The following SPATA6 variants were observed in gnomAD, a reference collection of about 807,000 sequenced individuals.
The protein encoded by SPATA6 is spermatogenesis-associated protein 6.
In SPATA6, 56 loss-of-function variants were observed where a neutral mutation model predicts 65.3. The ratio of observed to expected loss-of-function variants is 0.86; its 90% confidence interval spans 0.69 to 1.07. The LOEUF (loss-of-function observed/expected upper bound fraction) is 1.07, where lower values mean the gene tolerates loss of function less well. Among genes scored for constraint, SPATA6 ranks in the 50% least tolerant of loss-of-function variants. SPATA6 has a pLI of 0.00. For missense variants in SPATA6, 590 were observed against 594.8 expected (o/e 0.99, Z 0.08); for synonymous variants, 199 against 213.2 (o/e 0.93, Z 0.58).
At chr1:48,342,078 G>T (rs564463214) in intron 11 of SPATA6, among the ~76,000 whole-genome samples, 3 of 152,228 alleles carry the variant, frequency 2.0e-5, no homozygotes, top group Admixed American at 2.0e-4. Context: ...CAAAAGCAGG[G>T]GTTGGCAAAC....
At chr1:48,270,235 T>C in the SPATA6 span, among the ~76,000 whole-genome samples, 1 of 152,142 alleles carries the variant, frequency 6.6e-6, no homozygotes, top group Non-Finnish European at 1.5e-5. Context: ...AATTCTGCAT[T>C]GATGTGCCTT....
chr1:48,457,309 G>A (rs571827412), intron 1 of SPATA6, among the ~76,000 whole-genome samples: 5 of 152,178 alleles, frequency 3.3e-5, no homozygotes, highest in African/African-American at 9.6e-5. Flanking sequence ...GCACATGCCT[G>A]TAATCCCAGC....
intron 11 of SPATA6, among the ~76,000 whole-genome samples, chr1:48,316,668 C>T (rs1233563199): frequency 6.6e-6 from 1 of 152,066 alleles, no homozygotes; most frequent in South Asian, 2.1e-4. Flanking sequence ...CAACAAAAGC[C>T]AAAATTGACA....
At chr1:48,373,323 C>T (rs1386428522) in intron 9 of SPATA6, among the ~76,000 whole-genome samples, 1 of 152,218 alleles carries the variant, frequency 6.6e-6, no homozygotes, top group Non-Finnish European at 1.5e-5. Flanking sequence ...CAAAATGCCG[C>T]CACTCTCTTT....
At chr1:48,451,305 G>A (rs1656549177) in intron 3 of SPATA6, among the ~76,000 whole-genome samples, 1 of 152,010 alleles carries the variant, frequency 6.6e-6, no homozygotes, top group Non-Finnish European at 1.5e-5. Context: ...GCTTAAATAA[G>A]TCTCTGTTTT....
At chr1:48,311,357 T>C (rs1645202363) in intron 11 of SPATA6, among the ~76,000 whole-genome samples, 1 of 152,072 alleles carries the variant, frequency 6.6e-6, no homozygotes, top group Non-Finnish European at 1.5e-5. Flanking sequence ...AAATGGGACA[T>C]TACTAGAGAT....
intron 3 of SPATA6, among the ~76,000 whole-genome samples, chr1:48,439,356 A>G (rs550844565): frequency 6.6e-6 from 1 of 152,248 alleles, no homozygotes; most frequent in South Asian, 2.1e-4. Flanking sequence ...CAACTTTTCC[A>G]ATCAGCAGGG....
chr1:48,366,837 G>A (rs1362621199), intron 9 of SPATA6, among the ~76,000 whole-genome samples: 4 of 152,044 alleles, frequency 2.6e-5, no homozygotes, highest in African/African-American at 7.2e-5. Flanking sequence ...CCTTCTGCTA[G>A]CTTTTGAATG....
intron 11 of SPATA6, among the ~76,000 whole-genome samples, chr1:48,340,110 C>G (rs1056567957): frequency 3.3e-5 from 5 of 151,322 alleles, no homozygotes; most frequent in African/African-American, 1.2e-4. Flanking sequence ...TAGAATAGTG[C>G]CTTTAAAGTG....
intron 1 of SPATA6, among the ~76,000 whole-genome samples, chr1:48,467,894 G>T (rs1422041953): frequency 4.6e-5 from 7 of 152,148 alleles, no homozygotes; most frequent in African/African-American, 1.7e-4. Flanking sequence ...AAAATTGTAA[G>T]TGTTGGAAAG....
intron 11 of SPATA6, among the ~76,000 whole-genome samples, chr1:48,352,787 A>G (rs964951035): frequency 3.3e-5 from 5 of 151,990 alleles, no homozygotes; most frequent in African/African-American, 1.2e-4. Context: ...TATGTCAAAT[A>G]GCAAATCTTA....
chr1:48,448,328 A>C (rs981487985), intron 3 of SPATA6, among the ~76,000 whole-genome samples: 1 of 152,078 alleles, frequency 6.6e-6, no homozygotes, highest in African/African-American at 2.4e-5. Context: ...TACAGGTTGA[A>C]TATCCCTAAT....
intron 11 of SPATA6, among the ~76,000 whole-genome samples, chr1:48,340,851 G>C (rs1440427081): frequency 6.6e-6 from 1 of 152,132 alleles, no homozygotes; most frequent in Non-Finnish European, 1.5e-5. Context: ...TCCAAAGAAA[G>C]TTGGTGTGAC....
chr1:48,290,528 T>C (rs941997661), downstream of SPATA6, among the ~76,000 whole-genome samples: 1 of 152,060 alleles, frequency 6.6e-6, no homozygotes, highest in African/African-American at 2.4e-5. Context: ...GGCTAAATGC[T>C]CCAATTAAAA....
chr1:48,396,199 A>T (rs1055805204), intron 7 of SPATA6, among the ~76,000 whole-genome samples: 2 of 151,854 alleles, frequency 1.3e-5, no homozygotes, highest in African/African-American at 4.8e-5. Context: ...AATCATAGTG[A>T]CGTACCCATT....
intron 11 of SPATA6, among the ~76,000 whole-genome samples, chr1:48,307,364 ATATT>A (rs1240597598): frequency 6.8e-6 from 1 of 147,944 alleles, no homozygotes; most frequent in East Asian, 1.9e-4. Flanking sequence ...ATATAATTAT[ATATT>A]TATGTTTATA....
chr1:48,356,710 G>A (rs956384781), intron 10 of SPATA6, among the ~76,000 whole-genome samples: 2 of 151,780 alleles, frequency 1.3e-5, no homozygotes, highest in Non-Finnish European at 2.9e-5. Flanking sequence ...TCATCATGTT[G>A]GTCAGGCTGG....
intron 3 of SPATA6, among the ~76,000 whole-genome samples, chr1:48,428,805 G>GTC: frequency 8.9e-6 from 1 of 112,714 alleles, no homozygotes; most frequent in Non-Finnish European, 1.9e-5. Context: ...GTGTGTGTGT[G>GTC]TGTGTATATG....
chr1:48,408,836 A>G (rs763747460), intron 5 of SPATA6, among the ~76,000 whole-genome samples: 5 of 152,208 alleles, frequency 3.3e-5, no homozygotes, highest in South Asian at 2.1e-4. Context: ...TCATGAGAAC[A>G]GCGTGAGAAA....
Sources: gnomAD v4.1 joint callset for allele counts (sites outside exome capture counted in the v4.1 genomes callset) on GRCh38, gnomAD v4.1.1 for gene constraint, MANE v1.5 for transcripts, NCBI Gene and HGNC (gene_info 2026-07-23, HGNC 2026-07-21) for gene names.